KDM6A: variants seen among roughly 807,000 people sequenced by gnomAD.
KDM6A encodes the protein lysine-specific demethylase 6A.
KDM6A carries 11 observed loss-of-function variants against 117.6 expected under a neutral mutation model. That is an observed-to-expected ratio of 0.09 (90% CI 0.06 to 0.15). The LOEUF is 0.15. KDM6A is among the 10% of genes least tolerant of loss of function. KDM6A has a pLI of 1.00. For missense variants in KDM6A, 799 were observed against 1,077.3 expected, an observed-to-expected ratio of 0.74 and a Z score of 3.62; for synonymous variants, 384 against 396.1, an observed-to-expected ratio of 0.97 and a Z score of 0.36.
intron 6 of KDM6A, among the ~76,000 whole-genome samples, chrX:45,029,915 A>G (rs1483801496): frequency 9.0e-6 from 1 of 111,553 alleles, no homozygotes; most frequent in African/African-American, 3.3e-5. Context: ...TAGGTAGGAT[A>G]CAGCTACAGG....
At chrX:45,014,664 A>G (rs1214525756) in intron 5 of KDM6A, among the ~76,000 whole-genome samples, 1 of 111,964 alleles carries the variant, frequency 8.9e-6, no homozygotes, top group Non-Finnish European at 1.9e-5. Context: ...CCTATATCCT[A>G]GGGTGAGAGT....
At chrX:44,903,867 TA>T (rs1223494765) in intron 2 of KDM6A, among the ~76,000 whole-genome samples, 1 of 112,348 alleles carries the variant, frequency 8.9e-6, no homozygotes, top group Non-Finnish European at 1.9e-5. Context: ...TTACTTTATG[TA>T]AAAGATGTTT....
At chrX:44,935,988 GT>G (rs1473764290) in intron 2 of KDM6A, among the ~76,000 whole-genome samples, 3 of 112,230 alleles carry the variant, frequency 2.7e-5, no homozygotes, top group African/African-American at 9.7e-5. Flanking sequence ...TGGTGTATTA[GT>G]TTCCTCCTGT....
At chrX:45,041,826 C>T (rs2043235310) in intron 8 of KDM6A, among the ~76,000 whole-genome samples, 2 of 110,673 alleles carry the variant, frequency 1.8e-5, no homozygotes, top group Admixed American at 9.4e-5. Flanking sequence ...CAGGCAGAGA[C>T]GCTCCTCACT....
At chrX:45,030,281 G>A (rs186564987) in intron 6 of KDM6A, among the ~76,000 whole-genome samples, 2,118 of 95,639 alleles carry the variant, frequency 0.022, 38 homozygotes, top group Non-Finnish European at 0.036. Flanking sequence ...TATACAGTGC[G>A]TTTTGTCCCC....
intron 2 of KDM6A, among the ~76,000 whole-genome samples, chrX:44,920,741 T>C (rs1302550561): frequency 1.8e-5 from 2 of 111,212 alleles, no homozygotes; most frequent in Non-Finnish European, 3.8e-5. Flanking sequence ...TGGCCTACTT[T>C]TAACATTTTT....
chrX:45,056,284 C>T (rs2044068124), intron 10 of KDM6A, among the ~76,000 whole-genome samples: 1 of 111,432 alleles, frequency 9.0e-6, no homozygotes, highest in Non-Finnish European at 1.9e-5. Context: ...TTGTAAGAAA[C>T]ATTTTATGAA....
intron 10 of KDM6A, among the ~76,000 whole-genome samples, chrX:45,055,263 A>C (rs1430482257): frequency 9.0e-6 from 1 of 110,833 alleles, no homozygotes; most frequent in Non-Finnish European, 1.9e-5. Context: ...ATGAGACATT[A>C]ATTTTAATTA....
intron 2 of KDM6A, among the ~76,000 whole-genome samples, chrX:44,922,387 C>T (rs149766551): frequency 0.022 from 2,435 of 110,088 alleles, 41 homozygotes; most frequent in Non-Finnish European, 0.035. Context: ...TTTTCTTGTG[C>T]TTATTCTTGT....
At chrX:44,927,035 T>C (rs2036343640) in intron 2 of KDM6A, among the ~76,000 whole-genome samples, 1 of 111,848 alleles carries the variant, frequency 8.9e-6, no homozygotes, top group Non-Finnish European at 1.9e-5. Context: ...TAGCTTATAA[T>C]AGATGCCATG....
At chrX:45,006,688 G>A (rs766916266) in intron 4 of KDM6A, among the ~76,000 whole-genome samples, 3 of 109,185 alleles carry the variant, frequency 2.7e-5, no homozygotes, top group Admixed American at 1.9e-4. Context: ...GCAGGTAATC[G>A]AAAAAGGTTG....
intron 7 of KDM6A, 111 bp from the exon 8 acceptor site, chrX:45,037,544 T>C: frequency 1.7e-6 from 1 of 586,508 alleles, no homozygotes. Flanking sequence ...ATTACTTAAA[T>C]CTATATAGTG....
chrX:44,977,776 T>A (rs967665343), intron 4 of KDM6A, among the ~76,000 whole-genome samples: 1 of 112,388 alleles, frequency 8.9e-6, no homozygotes, highest in Non-Finnish European at 1.9e-5. Context: ...TTTATTATAA[T>A]TTAAATTTAC....
At chrX:44,915,384 A>G (rs1602174612) in intron 2 of KDM6A, among the ~76,000 whole-genome samples, 1 of 112,061 alleles carries the variant, frequency 8.9e-6, no homozygotes, top group East Asian at 2.8e-4. Context: ...GCTTGTGTTC[A>G]TCACCCTCTG....
intron 2 of KDM6A, among the ~76,000 whole-genome samples, chrX:44,911,856 C>G (rs1032420033): frequency 9.0e-6 from 1 of 111,658 alleles, no homozygotes; most frequent in Non-Finnish European, 1.9e-5. Context: ...GAAACCCCGT[C>G]TCTACCAAAA....
intron 4 of KDM6A, among the ~76,000 whole-genome samples, chrX:44,975,604 T>A: frequency 8.9e-6 from 1 of 112,190 alleles, no homozygotes; most frequent in Non-Finnish European, 1.9e-5. Context: ...TTAATTCACA[T>A]GCTATAAAAT....
chrX:45,041,684 T>C (rs1385264671), intron 8 of KDM6A, among the ~76,000 whole-genome samples: 5 of 99,352 alleles, frequency 5.0e-5, no homozygotes, highest in African/African-American at 1.5e-4. Context: ...CCTCACTTCC[T>C]AGATGGGATG....
intron 2 of KDM6A, among the ~76,000 whole-genome samples, chrX:44,900,401 A>G (rs1219179813): frequency 1.8e-5 from 2 of 112,034 alleles, no homozygotes; most frequent in East Asian, 2.8e-4. Flanking sequence ...TATTTCAGCA[A>G]TGTACATGTA....
At chrX:45,083,190 A>C (rs1200163310) in intron 23 of KDM6A, among the ~76,000 whole-genome samples, 1 of 111,323 alleles carries the variant, frequency 9.0e-6, no homozygotes, top group Non-Finnish European at 1.9e-5. Context: ...ATTATATGAA[A>C]TAGTTACGTG....
Sources: allele counts gnomAD v4.1 joint callset (sites outside exome capture counted in the v4.1 genomes callset), GRCh38; gene constraint gnomAD v4.1.1; transcripts MANE v1.5; gene names NCBI Gene and HGNC (gene_info 2026-07-23, HGNC 2026-07-21).